SRPK1: variants seen among roughly 807,000 people sequenced by gnomAD.
SRPK1 encodes SFRS protein kinase 1.
Under a neutral mutation model 89.5 loss-of-function variants are expected in SRPK1, and 52 were observed. The observed-to-expected ratio is 0.58, with a 90% confidence interval of 0.46 to 0.73. SRPK1 has a LOEUF of 0.73. SRPK1 is among the 30% of genes least tolerant of loss of function. The probability of loss-of-function intolerance (pLI) is 0.00; values close to 1 mark genes in which losing one functional copy is unlikely to be tolerated. For synonymous variants in SRPK1, 255 were observed against 270.2 expected (o/e 0.94, Z 0.55); for missense variants, 603 against 780.6 (o/e 0.77, Z 2.71).
At chr6:35,860,316 G>T (rs142831527) in intron 12 of SRPK1, among the ~76,000 whole-genome samples, 173 of 152,270 alleles carry the variant, frequency 1.1e-3, no homozygotes, top group Non-Finnish European at 2.1e-3. Flanking sequence ...TTCATGAATG[G>T]ATTAATGGGT....
chr6:35,893,679 C>T (rs1388315301), intron 2 of SRPK1, among the ~76,000 whole-genome samples: 1 of 152,026 alleles, frequency 6.6e-6, no homozygotes. Flanking sequence ...TAAACTTTTC[C>T]AGATTCTGGC....
At chr6:35,890,746 C>T (rs1162975504) in intron 3 of SRPK1, 149 bp downstream of exon 3, 2 of 620,154 alleles carry the variant, frequency 3.2e-6, no homozygotes, top group Non-Finnish European at 4.8e-6. Flanking sequence ...TTAAGTCAGA[C>T]TAAGAACAAA....
intron 6 of SRPK1, among the ~76,000 whole-genome samples, chr6:35,885,721 G>C (rs1247233606): frequency 2.0e-5 from 3 of 152,290 alleles, no homozygotes; most frequent in East Asian, 3.9e-4. Flanking sequence ...TCCAATCTAA[G>C]TAAGATTCGA....
rs1378784884 is a variant in SRPK1, at chr6:35,833,917, G to C, written c.*1387C>G. The C allele has an allele frequency of 6.6e-6, 1 of 151,568 alleles. No homozygotes were observed. Among genetic ancestry groups the C allele is most frequent in the Non-Finnish European group, 1.5e-5 (1 of 67,944 alleles). The allele number at this position is 151,568 out of a possible 1,614,324, so 9.4% of individuals were successfully genotyped here. A position where few individuals can be genotyped will look rare whatever the true frequency, so the allele number is the denominator to read the frequency against. ...CCCACTTGGTCCATGCTGAAGAAGC[G>C]GCTGTGACCCCAATCCTGCCTCTCT... On this transcript the variant is annotated 3_prime_UTR_variant, in exon 16 of 16. Transcript: ENST00000373825.
intron 13 of SRPK1, among the ~76,000 whole-genome samples, chr6:35,847,661 A>G (rs1040824776): frequency 6.6e-6 from 1 of 152,174 alleles, no homozygotes; most frequent in African/African-American, 2.4e-5. Flanking sequence ...ATAAACCAAG[A>G]GAACAATCCC....
intron 2 of SRPK1, among the ~76,000 whole-genome samples, chr6:35,911,440 C>T (rs1226543501): frequency 3.3e-5 from 5 of 151,920 alleles, no homozygotes. Flanking sequence ...CTTGGCCGGG[C>T]GTGGTGGCTC....
At chr6:35,874,011 T>C (rs1770101566) in intron 7 of SRPK1, among the ~76,000 whole-genome samples, 1 of 148,028 alleles carries the variant, frequency 6.8e-6, no homozygotes, top group South Asian at 2.1e-4. Flanking sequence ...GTATTTTGAG[T>C]AGAGAGGAGG....
chr6:35,842,716 A>G, intron 13 of SRPK1, 112 bp from the exon 14 acceptor site: 1 of 538,606 alleles, frequency 1.9e-6, no homozygotes, highest in Non-Finnish European at 3.0e-6. Flanking sequence ...GGGAAAACTT[A>G]TAGATCATTT....
At chr6:35,917,255 G>T (rs1032746219) in intron 2 of SRPK1, among the ~76,000 whole-genome samples, 2 of 152,136 alleles carry the variant, frequency 1.3e-5, no homozygotes, top group African/African-American at 2.4e-5. Flanking sequence ...AGCATCCAGA[G>T]GTCTCTCATT....
chr6:35,875,702 A>G (rs1410824619), intron 6 of SRPK1, among the ~76,000 whole-genome samples: 2 of 152,220 alleles, frequency 1.3e-5, no homozygotes, highest in East Asian at 3.8e-4. Flanking sequence ...ACTATAGTAT[A>G]CTATTACTGA....
At chr6:35,916,321 T>A (rs933938790) in intron 2 of SRPK1, among the ~76,000 whole-genome samples, 19 of 152,122 alleles carry the variant, frequency 1.2e-4, no homozygotes, top group Non-Finnish European at 1.5e-4. Flanking sequence ...TGTCCTGACA[T>A]GGAACTATTT....
chr6:35,896,107 A>G (rs758592327), intron 2 of SRPK1, among the ~76,000 whole-genome samples: 2 of 152,208 alleles, frequency 1.3e-5, no homozygotes, highest in Non-Finnish European at 2.9e-5. Flanking sequence ...TGTCATGGGA[A>G]ACACAATTTA....
At chr6:35,878,278 G>A (rs115794622) in intron 6 of SRPK1, among the ~76,000 whole-genome samples, 1 of 152,272 alleles carries the variant, frequency 6.6e-6, no homozygotes, top group Non-Finnish European at 1.5e-5. Context: ...CACAAGGTGA[G>A]CCTGCAATAT....
chr6:35,882,245 C>T (rs1354868312), intron 6 of SRPK1, among the ~76,000 whole-genome samples: 3 of 149,326 alleles, frequency 2.0e-5, no homozygotes, highest in African/African-American at 4.9e-5. Context: ...ACTAGAGAAA[C>T]TTGTGACTAA....
chr6:35,914,853 C>A (rs1771053445), intron 2 of SRPK1, among the ~76,000 whole-genome samples: 1 of 151,692 alleles, frequency 6.6e-6, no homozygotes, highest in South Asian at 2.1e-4. Flanking sequence ...GGCTAGAGTG[C>A]AGTGGTACGA....
At position 35,847,723 on chromosome 6, in the gene SRPK1, G is replaced by A. The variant is rs1158351898; in HGVS notation, c.1621-5119C>T. ...ACTTAGAAACATATTTAACCATGGA[G>A]GTAAAAGACCTGTACACTGAAAACT... On this transcript the variant is annotated intron_variant, in intron 13 of 15. Coordinates refer to ENST00000373825, the MANE Select transcript of SRPK1 (RefSeq NM_003137.5). 2.0e-5 allele frequency among the ~76,000 whole-genome samples: 3 copies of A among 151,910 alleles called. 1 individual carries two copies. Among genetic ancestry groups the A allele is most frequent in the East Asian group, 1.9e-4 (1 of 5,202 alleles).
At chr6:35,886,150 G>A (rs1000372448) in intron 6 of SRPK1, among the ~76,000 whole-genome samples, 15 of 149,230 alleles carry the variant, frequency 1.0e-4, no homozygotes, top group South Asian at 6.3e-4. Context: ...GCTCAATCTC[G>A]GCTCACTGCA....
chr6:35,835,497 A>T lies in SRPK1; in HGVS notation c.1784-9T>A. ...GATATGTTTCAGGTCACCTGCAGTG[A>T]AGACAGTACAGAAAAAGCCACTGAT... On this transcript the variant is annotated splice_polypyrimidine_tract_variant and intron_variant, in intron 15 of 15. Transcript: ENST00000373825. The T allele has an allele frequency of 6.2e-7, 1 of 1,605,134 alleles. No individual in the cohort carries two copies. The highest frequency in any genetic ancestry group is 8.5e-7 in the Non-Finnish European group (1 of 1,175,916).
At chr6:35,842,484 T>C in intron 14 of SRPK1, 51 bp downstream of exon 14, 1 of 1,430,662 alleles carries the variant, frequency 7.0e-7, no homozygotes. Context: ...GTTAGCTTAA[T>C]GTGGAAAGTG....
Sources: gnomAD v4.1 joint callset for allele counts (sites outside exome capture counted in the v4.1 genomes callset) on GRCh38, gnomAD v4.1.1 for gene constraint, MANE v1.5 for transcripts, NCBI Gene and HGNC (gene_info 2026-07-23, HGNC 2026-07-21) for gene names.